The following AFG2A variants were observed in gnomAD, a reference collection of about 807,000 sequenced individuals.
AFG2A encodes the protein AAA ATPase AFG2A.
chr4:123,276,381 T>C, the AFG2A span, among the ~76,000 whole-genome samples: 1 of 152,132 alleles, frequency 6.6e-6, no homozygotes, highest in South Asian at 2.1e-4. Flanking sequence ...CTGGATATTA[T>C]ATCTTTTGTG....
chr4:123,220,806 AT>A, the AFG2A span, among the ~76,000 whole-genome samples: 2 of 152,162 alleles, frequency 1.3e-5, no homozygotes, highest in Non-Finnish European at 2.9e-5. Context: ...GAATTTACCA[AT>A]TTTGTAATTA....
chr4:123,113,392 T>C, the AFG2A span, among the ~76,000 whole-genome samples: 21 of 24,470 alleles, frequency 8.6e-4, no homozygotes, highest in African/African-American at 1.8e-3. Context: ...TTATCTGTAC[T>C]GTCAGAGCCT....
the AFG2A span, among the ~76,000 whole-genome samples, chr4:122,958,586 T>C: frequency 6.6e-5 from 10 of 152,318 alleles, no homozygotes; most frequent in African/African-American, 2.4e-4. Context: ...TATATGAGAA[T>C]CACCTGTAGA....
At chr4:122,967,810 C>CT in the AFG2A span, among the ~76,000 whole-genome samples, 3 of 151,820 alleles carry the variant, frequency 2.0e-5, no homozygotes, top group Non-Finnish European at 4.4e-5. Flanking sequence ...GCCCCAAAAC[C>CT]TTTTTTATGG....
At chr4:122,929,204 CTCTTT>C in the AFG2A span, 1 of 1,560,030 alleles carries the variant, frequency 6.4e-7, no homozygotes. Context: ...TGAGGTTTGG[CTCTTT>C]TCTTTGGTGA....
the AFG2A span, among the ~76,000 whole-genome samples, chr4:123,075,326 T>C: frequency 6.6e-6 from 1 of 152,132 alleles, no homozygotes; most frequent in African/African-American, 2.4e-5. Context: ...GCAATTAGGA[T>C]ATTGGTAATG....
At chr4:123,221,538 T>G in the AFG2A span, among the ~76,000 whole-genome samples, 7 of 152,168 alleles carry the variant, frequency 4.6e-5, no homozygotes, top group African/African-American at 1.7e-4. Context: ...ATTGTTAACA[T>G]TGATTTTTAA....
the AFG2A span, among the ~76,000 whole-genome samples, chr4:123,030,696 C>A: frequency 6.6e-6 from 1 of 152,138 alleles, no homozygotes; most frequent in Non-Finnish European, 1.5e-5. Context: ...GGAGGATATA[C>A]TTAATGAATG....
chr4:122,941,106 G>C, the AFG2A span, among the ~76,000 whole-genome samples: 1 of 149,762 alleles, frequency 6.7e-6, no homozygotes. Flanking sequence ...GGATTGACTT[G>C]GTGATGCGGG....
chr4:123,160,830 A>G, the AFG2A span, among the ~76,000 whole-genome samples: 1 of 152,120 alleles, frequency 6.6e-6, no homozygotes, highest in Non-Finnish European at 1.5e-5. Flanking sequence ...TTTTTCTTAT[A>G]CATACATACC....
the AFG2A span, among the ~76,000 whole-genome samples, chr4:123,081,432 T>G: frequency 2.0e-5 from 3 of 152,224 alleles, no homozygotes; most frequent in African/African-American, 7.2e-5. Context: ...TAGTATGCAT[T>G]TAATATTCCT....
At chr4:122,928,287 C>T in the AFG2A span, among the ~76,000 whole-genome samples, 111 of 152,188 alleles carry the variant, frequency 7.3e-4, 1 homozygote, top group Non-Finnish European at 1.2e-3. Flanking sequence ...GCTGTTTCTC[C>T]TTGCTGTCAT....
the AFG2A span, among the ~76,000 whole-genome samples, chr4:123,253,855 T>A: frequency 6.6e-6 from 1 of 152,180 alleles, no homozygotes; most frequent in Non-Finnish European, 1.5e-5. Context: ...TTCTAGTTGC[T>A]CCATGTCCTT....
At chr4:123,228,951 A>C in the AFG2A span, among the ~76,000 whole-genome samples, 1 of 151,978 alleles carries the variant, frequency 6.6e-6, no homozygotes, top group Admixed American at 6.6e-5. Flanking sequence ...CCAGGCTGGA[A>C]CTGGAATGGA....
the AFG2A span, among the ~76,000 whole-genome samples, chr4:123,019,743 T>G: frequency 4.1e-3 from 621 of 152,320 alleles, 1 homozygote; most frequent in African/African-American, 0.014. Flanking sequence ...CTTTTCTTAT[T>G]TCTCTTTCTA....
the AFG2A span, among the ~76,000 whole-genome samples, chr4:123,113,213 T>A: frequency 6.6e-6 from 1 of 152,216 alleles, no homozygotes; most frequent in Non-Finnish European, 1.5e-5. Context: ...AGATGATCTT[T>A]CCAAAAGCTT....
At chr4:123,317,242 A>AC in the AFG2A span, 1 of 151,716 alleles carries the variant, frequency 6.6e-6, no homozygotes, top group Non-Finnish European at 1.5e-5. Context: ...AAAAAAAAAA[A>AC]ACCTCTGAGA....
the AFG2A span, among the ~76,000 whole-genome samples, chr4:122,998,132 A>C: frequency 2.6e-5 from 4 of 152,146 alleles, no homozygotes; most frequent in African/African-American, 9.7e-5. Flanking sequence ...GAAGCACAAA[A>C]GTTTAAAAAA....
At chr4:123,223,544 A>G in the AFG2A span, among the ~76,000 whole-genome samples, 3 of 152,320 alleles carry the variant, frequency 2.0e-5, no homozygotes, top group East Asian at 3.9e-4. Flanking sequence ...GCAAAGGGGA[A>G]GCAGGCACAT....
Sources: allele counts gnomAD v4.1 joint callset (sites outside exome capture counted in the v4.1 genomes callset), GRCh38; gene constraint gnomAD v4.1.1; transcripts MANE v1.5; gene names NCBI Gene and HGNC (gene_info 2026-07-23, HGNC 2026-07-21).